The following NEBL variants were observed in gnomAD, a reference collection of about 807,000 sequenced individuals.
NEBL encodes the protein LIM and SH3 protein 2.
A neutral mutation model predicts 140.2 loss-of-function variants in NEBL; 122 were observed. The ratio of observed to expected loss-of-function variants is 0.87; its 90% confidence interval spans 0.75 to 1.01. The LOEUF (loss-of-function observed/expected upper bound fraction) is 1.01. Ranked by LOEUF, NEBL falls within the 50% of genes least tolerant of loss-of-function variation. NEBL has a pLI of 0.00. For missense variants in NEBL, 1,365 were observed against 1,231.3 expected (o/e 1.11, Z -1.62); for synonymous variants, 436 against 398.9 (o/e 1.09, Z -1.11).
intron 3 of NEBL, among the ~76,000 whole-genome samples, chr10:20,978,967 G>T (rs1203216191): frequency 1.3e-5 from 2 of 151,986 alleles, no homozygotes; most frequent in African/African-American, 4.8e-5. Flanking sequence ...TCATATTACG[G>T]CATCTTAGGC....
intron 2 of NEBL, among the ~76,000 whole-genome samples, chr10:21,113,750 G>A (rs1221318059): frequency 6.6e-6 from 1 of 152,038 alleles, no homozygotes; most frequent in African/African-American, 2.4e-5. Context: ...CTTAAAGTAT[G>A]TATGTACTGC....
At chr10:21,158,428 T>C (rs1466292111) in intron 2 of NEBL, among the ~76,000 whole-genome samples, 2 of 152,164 alleles carry the variant, frequency 1.3e-5, no homozygotes, top group South Asian at 2.1e-4. Context: ...AGGTAGCAAA[T>C]ACTATTATTA....
At chr10:21,278,074 T>C (rs1842946012) in intron 1 of NEBL, among the ~76,000 whole-genome samples, 5 of 152,224 alleles carry the variant, frequency 3.3e-5, no homozygotes, top group Admixed American at 2.6e-4. Context: ...TGAGGGATGA[T>C]TGGGAAACGC....
At chr10:21,279,469 A>G (rs1161552906) in intron 1 of NEBL, among the ~76,000 whole-genome samples, 1 of 151,620 alleles carries the variant, frequency 6.6e-6, no homozygotes, top group Non-Finnish European at 1.5e-5. Context: ...TTTTGTTTCA[A>G]CACTTTAAAA....
rs79629357 is a variant in NEBL, at chr10:21,117,775, T to C, written c.164+54608A>G. Among the ~76,000 whole-genome samples, 1,133 of 152,252 alleles carry C rather than the reference T, an allele frequency of 7.4e-3. 20 individuals are homozygous for C. Among genetic ancestry groups the C allele is most frequent in the African/African-American group, 0.026 (1,091 of 41,554 alleles). On this transcript the variant is annotated intron_variant, in intron 2 of 6. Coordinates refer to the NEBL transcript ENST00000417816. The stretch of plus-strand genomic sequence containing the variant: ...CGGCTGTTCTCTCAAATATCAACTT[T>C]AGAGAATCAGTTGAGTATAGCGTGG...
rs184041425 is a variant in NEBL, at chr10:20,946,470, T to G, written c.357+15202A>C. Among the ~76,000 whole-genome samples, 988 of 152,222 alleles carry G rather than the reference T, an allele frequency of 6.5e-3. 10 individuals carry two copies. Among genetic ancestry groups the G allele is most frequent in the African/African-American group, 0.022 (897 of 41,518 alleles). ...TTATTATTTTTGTTTTTTGTTTGTTTGTTGGTTTTGAGACAGGATCTCGCT... is the reference window on the plus strand; with the variant it reads ...TTATTATTTTTGTTTTTTGTTTGTTGGTTGGTTTTGAGACAGGATCTCGCT... On this transcript the variant is annotated intron_variant, in intron 4 of 6. Transcript: ENST00000417816.
At position 20,949,166 on chromosome 10, in the gene NEBL, A is replaced by G. The variant is rs147564884; in HGVS notation, c.357+12506T>C. 4.2e-3 allele frequency among the ~76,000 whole-genome samples: 641 copies of G among 152,306 alleles called. 10 individuals are homozygous for G. Among genetic ancestry groups the G allele is most frequent in the African/African-American group, 0.013 (560 of 41,562 alleles). ...TGTCTTGCCTGATTGCCCTGGCCAG[A>G]ACTTCCATTCTCAGCAAACTAACCC... On this transcript the variant is annotated intron_variant, in intron 4 of 6. Coordinates refer to the NEBL transcript ENST00000417816.
intron 2 of NEBL, among the ~76,000 whole-genome samples, chr10:21,140,526 T>C (rs538947304): frequency 6.6e-6 from 1 of 152,326 alleles, no homozygotes; most frequent in African/African-American, 2.4e-5. Context: ...AATGGGAATA[T>C]AGTCTGTCCA....
chr10:21,138,354 G>A (rs1258692106), intron 2 of NEBL, among the ~76,000 whole-genome samples: 1 of 152,168 alleles, frequency 6.6e-6, no homozygotes, highest in Non-Finnish European at 1.5e-5. Flanking sequence ...AAGAAGCCCA[G>A]AAGGTACAAC....
chr10:20,835,700 A>T, intron 13 of NEBL, 77 bp from the exon 14 acceptor site: 3 of 997,292 alleles, frequency 3.0e-6, no homozygotes, highest in Non-Finnish European at 4.8e-6. Context: ...TACTAAAAAA[A>T]AAATAGTTAG....
intron 2 of NEBL, among the ~76,000 whole-genome samples, chr10:21,080,149 T>C (rs369562737): frequency 1.3e-5 from 2 of 152,234 alleles, no homozygotes; most frequent in African/African-American, 2.4e-5. Flanking sequence ...TAATTTATAA[T>C]GCATATAAAA....
chr10:20,954,048 GA>G, intron 4 of NEBL, among the ~76,000 whole-genome samples: 1 of 143,566 alleles, frequency 7.0e-6, no homozygotes, highest in Middle Eastern at 3.5e-3. Context: ...AAAAAAGAAA[GA>G]AAAAACACCC....
chr10:21,268,759 A>C (rs1053945408), intron 1 of NEBL, among the ~76,000 whole-genome samples: 9 of 151,886 alleles, frequency 5.9e-5, no homozygotes, highest in African/African-American at 1.9e-4. Flanking sequence ...TTCTGACCTC[A>C]AGTGATCCAC....
intron 3 of NEBL, among the ~76,000 whole-genome samples, chr10:20,966,172 CTA>C (rs1836305009): frequency 6.6e-6 from 1 of 152,178 alleles, no homozygotes; most frequent in Non-Finnish European, 1.5e-5. Flanking sequence ...TATGGAAATT[CTA>C]TATATGTCAT....
chr10:21,061,484 C>G (rs748600436), intron 2 of NEBL, among the ~76,000 whole-genome samples: 32 of 147,046 alleles, frequency 2.2e-4, no homozygotes, highest in Non-Finnish European at 3.6e-4. Context: ...TATATTACAT[C>G]ATATATGATA....
Position 21,244,145 on chromosome 10 carries a change from T to A in NEBL, n.348+3776A>T, listed in dbSNP as rs1462820906. Among the ~76,000 whole-genome samples, 7 of 152,182 alleles carry A rather than the reference T, an allele frequency of 4.6e-5. No individual in the cohort carries two copies. The East Asian group carries it at 1.4e-3, about 30-fold the overall frequency. On this transcript the variant is annotated intron_variant and non_coding_transcript_variant, in intron 3 of 8. Coordinates refer to the NEBL transcript ENST00000675702. ...CTTTCCCCAGGCCAAATCTTGAATG[T>A]CACAACTTTCCACTCCCTAAGCTTA...
At chr10:21,095,603 A>C (rs1390084056) in intron 2 of NEBL, among the ~76,000 whole-genome samples, 2 of 152,214 alleles carry the variant, frequency 1.3e-5, no homozygotes, top group Non-Finnish European at 2.9e-5. Flanking sequence ...TAGAGTCCAA[A>C]CAAGAATGGC....
At position 20,888,180 on chromosome 10, in the gene NEBL, C is replaced by G. The variant is rs1209343981; in HGVS notation, c.286G>C (p.Asp96His). 6 of 1,612,534 alleles carry G rather than the reference C, an allele frequency of 3.7e-6. No individual in the cohort carries two copies. The Admixed American group carries it at 5.0e-5, about 13-fold the overall frequency. Reference protein sequence around the residue: ...EAKYKGTIKADLSNSLYKRMP... With the variant: ...EAKYKGTIKAHLSNSLYKRMP... ...CGCTTATAAAGAGAATTAGAAAGGT[C>G]AGCTTTAATGGTGCCTTTGTATTTT... Residue 96 changes from aspartate to histidine, a missense_variant, in exon 4 of 28, where the codon GAC becomes CAC. This residue lies in a region of NEBL where 1,323 missense variants were observed against 1,154.8 expected (regional missense o/e 1.15). Transcript: ENST00000377122.
chr10:21,267,186 G>T (rs1227789640), intron 1 of NEBL, among the ~76,000 whole-genome samples: 1 of 152,028 alleles, frequency 6.6e-6, no homozygotes, highest in African/African-American at 2.4e-5. Flanking sequence ...ACATTGGCCA[G>T]GCCAGTCTCA....
Sources: gnomAD v4.1 joint callset for allele counts (sites outside exome capture counted in the v4.1 genomes callset) on GRCh38, gnomAD v4.1.1 for gene constraint, gnomAD v4.1.1 regional missense constraint, MANE v1.5 for transcripts, NCBI Gene and HGNC (gene_info 2026-07-23, HGNC 2026-07-21) for gene names.